UVSSA: variants seen among roughly 807,000 people sequenced by gnomAD.
UVSSA encodes the protein UV stimulated scaffold protein A, also known as UV-stimulated scaffold protein A.
In UVSSA, 72 loss-of-function variants were observed where a neutral mutation model predicts 73.9. The observed-to-expected ratio is 0.97, with a 90% CI of 0.81 to 1.19. The LOEUF (loss-of-function observed/expected upper bound fraction) is 1.19, where lower values mean the gene tolerates loss of function less well. UVSSA is among the 50% of genes most tolerant of loss of function. The pLI is 0.00. For missense variants in UVSSA, 1,150 were observed against 965.0 expected (o/e 1.19, Z -2.54); for synonymous variants, 454 against 391.3 (o/e 1.16, Z -1.89).
chr4:1,375,548 C>T (rs764318951), intron 9 of UVSSA, 40 bp downstream of exon 9: 2 of 1,589,658 alleles, frequency 1.3e-6, no homozygotes, highest in Non-Finnish European at 8.5e-7. Context: ...CCCTGCCCGG[C>T]GCTGCCACAG....
chr4:1,395,647 C>T (rs201846658), exon 14 of UVSSA: 5 of 1,556,024 alleles, frequency 3.2e-6, no homozygotes, highest in Non-Finnish European at 4.4e-6. Context: ...CACACGTGCC[C>T]ATGTGGAGTG....
intron 5 of UVSSA, among the ~76,000 whole-genome samples, 169 bp downstream of exon 5, chr4:1,353,582 G>T (rs1281495728): frequency 6.6e-6 from 1 of 152,194 alleles, no homozygotes; most frequent in Non-Finnish European, 1.5e-5. Flanking sequence ...TCTGCACTGG[G>T]CTCCCCCCAC....
chr4:1,369,029 G>T (rs1476255213), intron 8 of UVSSA, among the ~76,000 whole-genome samples: 1 of 152,258 alleles, frequency 6.6e-6, no homozygotes, highest in Non-Finnish European at 1.5e-5. Context: ...GAAGCTGGGA[G>T]CTCCATCACA....
upstream of UVSSA, among the ~76,000 whole-genome samples, chr4:1,346,472 C>A (rs1229932927): frequency 1.3e-5 from 2 of 152,226 alleles, no homozygotes; most frequent in African/African-American, 4.8e-5. Context: ...GCGTTCGAGG[C>A]TGCGGACTTC....
intron 13 of UVSSA, chr4:1,385,127 A>G (rs1207599146): frequency 1.3e-5 from 2 of 152,340 alleles, no homozygotes. Context: ...CCTGTGTCTC[A>G]TGGGGACACT....
In UVSSA at chr4:1,385,803, G is replaced by A. The variant is rs1226429273; in HGVS notation, c.2037-65G>A. 7.9e-5 allele frequency: 124 copies of A among 1,567,290 alleles called. 4 individuals carry two copies. The South Asian group carries it at 1.3e-3, about 16-fold the overall frequency. On this transcript the variant is annotated intron_variant, in intron 13 of 13. Transcript: ENST00000389851. ...ACCAGTGCCTAACTTTGGTGATGCC[G>A]CCACTGGGAGCCCAGGCCCCTGGCG...
At chr4:1,384,124 C>T in intron 13 of UVSSA, 184 bp downstream of exon 13, 1 of 737,870 alleles carries the variant, frequency 1.4e-6, no homozygotes, top group Non-Finnish European at 2.1e-6. Context: ...CCAGCAGGGG[C>T]AGCAGGCAGG....
chr4:1,394,733 C>G, exon 14 of UVSSA: 2 of 1,603,616 alleles, frequency 1.2e-6, no homozygotes, highest in South Asian at 1.1e-5. Flanking sequence ...ATGTGGAGTG[C>G]CCACCTGCTC....
At chr4:1,377,239 G>A (rs999704673) in intron 10 of UVSSA, among the ~76,000 whole-genome samples, 2 of 152,196 alleles carry the variant, frequency 1.3e-5, no homozygotes, top group Non-Finnish European at 2.9e-5. Context: ...GCCCAGGAAC[G>A]GGCCCCGAGT....
intron 2 of UVSSA, among the ~76,000 whole-genome samples, 191 bp downstream of exon 2, chr4:1,348,380 G>C (rs1417627246): frequency 6.6e-6 from 1 of 152,238 alleles, no homozygotes; most frequent in East Asian, 1.9e-4. Context: ...TGGCGTTGGG[G>C]ACCCCACTGC....
Position 1,388,039 on chromosome 4 carries a change from C to T in UVSSA, c.*2078C>T, listed in dbSNP as rs537382090. 6.6e-6 allele frequency: 1 copy of T among 150,998 alleles called. No individual in the cohort carries two copies. The highest frequency in any genetic ancestry group is 1.9e-4 in the East Asian group (1 of 5,166). The allele number at this position is 150,998 out of a possible 1,614,324, so 9.4% of individuals were successfully genotyped here. On this transcript the variant is annotated 3_prime_UTR_variant, in exon 14 of 14. Transcript: ENST00000389851. The stretch of plus-strand genomic sequence containing the variant: ...TATTACCGTCTTAATATTAAATCTT[C>T]TGAGTCATGAGCTTCTGATTATCTT...
At chr4:1,351,214 C>G (rs369141388) in intron 3 of UVSSA, among the ~76,000 whole-genome samples, 1 of 151,196 alleles carries the variant, frequency 6.6e-6, no homozygotes, top group South Asian at 2.1e-4. Context: ...TACAAGCACC[C>G]CCCACCACGC....
rs1713840045 is a variant in UVSSA, at chr4:1,347,313, G to A, written c.-450G>A. On this transcript the variant is annotated 5_prime_UTR_variant, in exon 1 of 14. Coordinates refer to ENST00000389851, the MANE Select transcript of UVSSA (RefSeq NM_020894.4). ...CTCTGCGGGCGCCGGGCAGAGACCTGCGGCCAGGGCGTGTCCCGTGTGCCC... is the reference window on the plus strand; with the variant it reads ...CTCTGCGGGCGCCGGGCAGAGACCTACGGCCAGGGCGTGTCCCGTGTGCCC... The A allele has an allele frequency of 6.6e-6, 1 of 152,004 alleles. No homozygotes were observed. The highest frequency in any genetic ancestry group is 1.5e-5 in the Non-Finnish European group (1 of 67,996). 9.4% of individuals were successfully genotyped at this position (152,004 alleles called of 1,614,324 possible). A position where few individuals can be genotyped will look rare whatever the true frequency, so the allele number is the denominator to read the frequency against.
exon 14 of UVSSA, chr4:1,395,749 C>T (rs776896441): frequency 1.2e-6 from 2 of 1,614,184 alleles, no homozygotes; most frequent in Admixed American, 1.7e-5. Context: ...GTCCTGCCGG[C>T]CGAGTCAGAC....
chr4:1,368,791 T>C (rs1717658569), intron 8 of UVSSA, among the ~76,000 whole-genome samples: 1 of 152,224 alleles, frequency 6.6e-6, no homozygotes, highest in Non-Finnish European at 1.5e-5. Flanking sequence ...GCTCAGCAGA[T>C]GATGAGCTGT....
At chr4:1,347,844 A>T (rs1468512054) in intron 1 of UVSSA, 84 bp downstream of exon 1, 1 of 481,540 alleles carries the variant, frequency 2.1e-6, no homozygotes, top group African/African-American at 2.0e-5. Context: ...ACGACCCTCA[A>T]TGCAGCGTCC....
At chr4:1,381,010 A>G (rs769061922) in intron 12 of UVSSA, 22 bp downstream of exon 12, 1 of 1,605,452 alleles carries the variant, frequency 6.2e-7, no homozygotes, top group Non-Finnish European at 8.5e-7. Context: ...CAAGGCGGTC[A>G]CCGTGGGAGG....
chr4:1,367,793 C>A (rs934054343), intron 8 of UVSSA, among the ~76,000 whole-genome samples: 2 of 151,718 alleles, frequency 1.3e-5, no homozygotes, highest in African/African-American at 2.4e-5. Context: ...CTGCGTCAGA[C>A]CCCTTCCCCC....
chr4:1,368,931 G>T (rs753596436), intron 8 of UVSSA, among the ~76,000 whole-genome samples: 1 of 152,234 alleles, frequency 6.6e-6, no homozygotes, highest in Admixed American at 6.5e-5. Context: ...ACTGCATGGC[G>T]CCTGCCCCTT....
Sources: allele counts gnomAD v4.1 joint callset (sites outside exome capture counted in the v4.1 genomes callset), GRCh38; gene constraint gnomAD v4.1.1; transcripts MANE v1.5; gene names NCBI Gene and HGNC (gene_info 2026-07-23, HGNC 2026-07-21).